Variants in NXPE2 observed in about 807,000 individuals in gnomAD.
NXPE2 encodes NXPE family member 2.
A neutral mutation model predicts 34.4 loss-of-function variants in NXPE2; 34 were observed. The ratio of observed to expected loss-of-function variants is 0.99; its 90% CI spans 0.75 to 1.31. The LOEUF (loss-of-function observed/expected upper bound fraction) is 1.31. Ranked by LOEUF, NXPE2 falls within the 40% of genes most tolerant of loss-of-function variation. The probability of loss-of-function intolerance (pLI) is 0.00; values close to 1 mark genes in which losing one functional copy is unlikely to be tolerated. For synonymous variants in NXPE2, 235 were observed against 231.3 expected, an observed-to-expected ratio of 1.02 and a Z score of -0.15; for missense variants, 649 against 672.5, an observed-to-expected ratio of 0.97 and a Z score of 0.39.
the NXPE2 span, among the ~76,000 whole-genome samples, chr11:114,619,986 G>A: frequency 6.6e-6 from 1 of 152,030 alleles, no homozygotes; most frequent in Admixed American, 6.5e-5. Flanking sequence ...TTACCTGGTG[G>A]ATAGTTAGTA....
chr11:114,471,927 T>C, the NXPE2 span, among the ~76,000 whole-genome samples: 9 of 152,298 alleles, frequency 5.9e-5, no homozygotes, highest in South Asian at 1.7e-3. Flanking sequence ...CAGTGTATAC[T>C]TTATCTTACA....
intron 2 of NXPE2, among the ~76,000 whole-genome samples, chr11:114,682,503 G>C (rs1330601468): frequency 6.6e-6 from 1 of 152,128 alleles, no homozygotes; most frequent in East Asian, 1.9e-4. Flanking sequence ...TTTAATTGCT[G>C]TCAGAGCTTA....
At chr11:114,789,485 A>G in the NXPE2 span, among the ~76,000 whole-genome samples, 3 of 152,212 alleles carry the variant, frequency 2.0e-5, no homozygotes, top group East Asian at 5.8e-4. Context: ...ATAAAAGAAA[A>G]CCAGCATTTA....
the NXPE2 span, among the ~76,000 whole-genome samples, chr11:114,544,376 T>G: frequency 4.2e-4 from 64 of 152,288 alleles, no homozygotes; most frequent in Admixed American, 2.4e-3. Context: ...GGTGAAAGAA[T>G]GAACAGATTA....
chr11:114,660,259 T>C, the NXPE2 span, among the ~76,000 whole-genome samples: 1 of 152,114 alleles, frequency 6.6e-6, no homozygotes, highest in African/African-American at 2.4e-5. Context: ...TCTACTGATT[T>C]TTTTCAGAAA....
the NXPE2 span, among the ~76,000 whole-genome samples, chr11:114,622,598 A>G: frequency 3.8e-5 from 5 of 132,710 alleles, no homozygotes; most frequent in East Asian, 2.4e-4. Flanking sequence ...AATAAGCATT[A>G]CCTCGTGGGT....
chr11:114,624,346 A>G, the NXPE2 span, among the ~76,000 whole-genome samples: 3 of 152,068 alleles, frequency 2.0e-5, no homozygotes, highest in Non-Finnish European at 4.4e-5. Context: ...CTCAGTGGAT[A>G]ATAATTATTG....
chr11:114,682,241 A>G (rs1465906295), intron 2 of NXPE2, among the ~76,000 whole-genome samples: 2 of 152,238 alleles, frequency 1.3e-5, no homozygotes, highest in Non-Finnish European at 2.9e-5. Context: ...ATGCTTCAAG[A>G]AAACCTTGTT....
chr11:114,605,036 A>G, the NXPE2 span, among the ~76,000 whole-genome samples: 45 of 151,916 alleles, frequency 3.0e-4, no homozygotes, highest in African/African-American at 1.0e-3. Flanking sequence ...CCAGTGGATA[A>G]TAAGTACTGC....
the NXPE2 span, among the ~76,000 whole-genome samples, chr11:114,671,686 T>C: frequency 6.6e-6 from 1 of 152,012 alleles, no homozygotes; most frequent in East Asian, 1.9e-4. Context: ...CAGAGTGTTT[T>C]ATCTAGCAAA....
chr11:114,571,558 G>T, the NXPE2 span: 5 of 1,192,906 alleles, frequency 4.2e-6, no homozygotes, highest in South Asian at 1.6e-5. Context: ...AGATTTGATT[G>T]GTATAATTAA....
At chr11:114,593,802 G>T in the NXPE2 span, among the ~76,000 whole-genome samples, 1 of 152,000 alleles carries the variant, frequency 6.6e-6, no homozygotes, top group Non-Finnish European at 1.5e-5. Context: ...AATACATAAA[G>T]AAAATATGGT....
the NXPE2 span, among the ~76,000 whole-genome samples, chr11:114,601,489 T>G: frequency 3.4e-4 from 20 of 59,474 alleles, no homozygotes; most frequent in Non-Finnish European, 5.7e-4. Context: ...AATTAAATAT[T>G]TATTATATAG....
chr11:114,513,687 A>T, the NXPE2 span, among the ~76,000 whole-genome samples: 5 of 152,188 alleles, frequency 3.3e-5, no homozygotes, highest in African/African-American at 1.2e-4. Context: ...AAACCCATTT[A>T]AAAAACCCAT....
chr11:114,498,660 C>T, the NXPE2 span, among the ~76,000 whole-genome samples: 1 of 152,020 alleles, frequency 6.6e-6, no homozygotes, highest in African/African-American at 2.4e-5. Flanking sequence ...CTTCTATTTT[C>T]AGGCAGCTTT....
At chr11:114,734,747 G>A in the NXPE2 span, among the ~76,000 whole-genome samples, 1 of 152,118 alleles carries the variant, frequency 6.6e-6, no homozygotes, top group Non-Finnish European at 1.5e-5. Context: ...ACATGCTCAA[G>A]GAAAAGTAAG....
rs1220239868 is a variant in NXPE2, at chr11:114,706,625, A to G, written c.1375A>G (p.Ile459Val). Residue 459 changes from isoleucine to valine, a missense_variant, in exon 6 of 6, where the codon ATC becomes GTC. Coordinates refer to ENST00000389586, the MANE Select transcript of NXPE2 (RefSeq NM_182495.6). ...TLGQHFRPFP[I>V]NIFIRRAINI... ...CGGCCAACACTTCAGACCCTTTCCC[A>G]TCAACATTTTCATCCGTAGGGCCAT... is the stretch of plus-strand genomic sequence containing the variant. 1.5e-5 allele frequency: 23 copies of G among 1,551,812 alleles called. No homozygotes were observed. In the East Asian group the frequency reaches 2.4e-4, roughly 16 times the overall value.
At chr11:114,719,919 G>A in the NXPE2 span, among the ~76,000 whole-genome samples, 8 of 152,236 alleles carry the variant, frequency 5.3e-5, no homozygotes, top group Non-Finnish European at 1.2e-4. Flanking sequence ...TCATGCTGTC[G>A]TGCTTCTTTC....
At chr11:114,545,691 CTT>C in the NXPE2 span, among the ~76,000 whole-genome samples, 30 of 138,686 alleles carry the variant, frequency 2.2e-4, no homozygotes, top group Non-Finnish European at 1.6e-4. Context: ...AAGAGTGGAT[CTT>C]TTTTTTTTTT....
Sources: gnomAD v4.1 joint callset for allele counts (sites outside exome capture counted in the v4.1 genomes callset) on GRCh38, gnomAD v4.1.1 for gene constraint, MANE v1.5 for transcripts, NCBI Gene and HGNC (gene_info 2026-07-23, HGNC 2026-07-21) for gene names.